The following PCNX3 variants were observed in gnomAD, a reference collection of about 807,000 sequenced individuals.
PCNX3 encodes the protein pecanex 3.
In PCNX3, 58 loss-of-function variants were observed where a neutral mutation model predicts 207.2. The observed-to-expected ratio is 0.28, with a 90% CI of 0.23 to 0.35. The LOEUF is 0.35. Among genes scored for constraint, PCNX3 ranks in the 10% least tolerant of loss-of-function variants. The pLI, the probability that PCNX3 is intolerant of heterozygous loss-of-function variation, is 1.00. For synonymous variants in PCNX3, 1,337 were observed against 1,183.5 expected (o/e 1.13, Z -2.66); for missense variants, 2,410 against 2,774.4 (o/e 0.87, Z 2.95).
Position 65,617,947 on chromosome 11 carries a change from C to T in PCNX3, c.585C>T (p.Asp195=). 1.3e-6 allele frequency: 2 copies of T among 1,575,080 alleles called. No homozygotes were observed. The highest frequency in any genetic ancestry group is 8.6e-7 in the Non-Finnish European group (1 of 1,163,004). Residue 195 remains aspartate (D), a synonymous_variant, in exon 6 of 35, where the codon GAC becomes GAT. Transcript: ENST00000355703. ...TTCCCTTTATTTTGGCAGTTGGAGA[C>T]CTTCCCCAGACGCCTCCAGGGGCTG... ...KLSSQEKLIG[D]LPQTPPGAVP... is the part of the protein sequence containing the mutation.
rs112944994 is a variant in PCNX3, at chr11:65,628,126, G to A, written c.3703-469G>A. Among the ~76,000 whole-genome samples the A allele has an allele frequency of 3.3e-3, 499 of 152,248 alleles. 3 individuals carry two copies. Among genetic ancestry groups the A allele is most frequent in the African/African-American group, 0.011 (459 of 41,542 alleles). On this transcript the variant is annotated intron_variant, in intron 22 of 34. Transcript: ENST00000355703. ...AGGCCTGAGCCTTTTTCTTCCTCACGTGGGCATTCTGTTCTTGTTTTCTGG... is the reference window on the plus strand; with the variant it reads ...AGGCCTGAGCCTTTTTCTTCCTCACATGGGCATTCTGTTCTTGTTTTCTGG...
At chr11:65,630,212 G>C (rs1044424562) in intron 26 of PCNX3, 139 bp from the exon 27 acceptor site, 5 of 1,263,114 alleles carry the variant, frequency 4.0e-6, no homozygotes, top group Non-Finnish European at 5.3e-6. Context: ...GTGAATCTTG[G>C]CATCCAATAA....
rs761954153 is a variant in PCNX3, at chr11:65,634,988, C to T, written c.4821C>T (p.Leu1607=). The T allele has an allele frequency of 3.7e-6, 6 of 1,613,582 alleles. No individual in the cohort carries two copies. The highest frequency in any genetic ancestry group is 1.7e-4 in the Middle Eastern group (1 of 6,060). ...TCCCACTTAGCCTGGAGCCCTTCCT[C>T]TACGGCCTGCACGCCCTGTTCAAGG... ...HSMSASLEPF[L]YGLHALFKGD... The change falls in exon 30 of 35, where the codon CTC becomes CTT. Residue 1607 remains leucine (L), a synonymous_variant. Coordinates refer to ENST00000355703, the MANE Select transcript of PCNX3 (RefSeq NM_032223.4).
At position 65,618,958 on chromosome 11, in the gene PCNX3, G is replaced by T; in HGVS notation, c.1596G>T (p.Glu532Asp). 6.2e-7 allele frequency: 1 copy of T among 1,604,464 alleles called. No homozygotes were observed. The highest frequency in any genetic ancestry group is 1.7e-5 in the Admixed American group (1 of 59,140). ...KAELEAQVGV[E>D]QAASEPVVLP... ...AGCTGGAGGCCCAGGTTGGGGTGGA[G>T]CAGGCTGCTAGTGAGCCTGTTGTGC... Residue 532 changes from glutamate (E) to aspartate (D), a missense_variant, in exon 6 of 35, where the codon GAG becomes GAT. This residue lies in a region of PCNX3 where 1,104 missense variants were observed against 970.3 expected (regional missense o/e 1.14). Coordinates refer to ENST00000355703, the MANE Select transcript of PCNX3 (RefSeq NM_032223.4).
chr11:65,617,885 A>G (rs1854832562), intron 5 of PCNX3, 55 bp from the exon 6 acceptor site: 5 of 1,497,592 alleles, frequency 3.3e-6, no homozygotes, highest in Admixed American at 2.3e-5. Context: ...CTTAACCACT[A>G]GTTTGTTTTG....
intron 20 of PCNX3, 97 bp downstream of exon 20, chr11:65,626,151 G>C: frequency 6.7e-7 from 1 of 1,486,604 alleles, no homozygotes; most frequent in South Asian, 1.2e-5. Flanking sequence ...AGTGCCAGCA[G>C]GGGGCACTCG....
rs776846592 is a variant in PCNX3 at position 65,636,434 on chromosome 11, G to T, written c.5637G>T (p.Pro1879=). 1.9e-6 allele frequency: 3 copies of T among 1,555,030 alleles called. No homozygotes were observed. The highest frequency in any genetic ancestry group is 2.6e-6 in the Non-Finnish European group (3 of 1,151,754). ...QPLPPGPGWG[P]RSSLSGSGDG... is the part of the protein sequence containing the mutation. ...TCCCACCAGGCCCTGGCTGGGGGCC[G>T]CGGTCCTCCCTGAGTGGCTCTGGTG... Residue 1879 remains proline, a synonymous_variant, in exon 34 of 35, where the codon CCG becomes CCT. Coordinates refer to ENST00000355703, the MANE Select transcript of PCNX3 (RefSeq NM_032223.4).
chr11:65,622,396 T>G (rs778670632), intron 11 of PCNX3, 30 bp downstream of exon 11: 42 of 1,578,902 alleles, frequency 2.7e-5, no homozygotes, highest in Non-Finnish European at 3.5e-5. Context: ...GGCCCCCAAT[T>G]CTTGGAAAGC....
Position 65,635,334 on chromosome 11 carries a change from C to T in PCNX3, c.5070C>T (p.Ala1690=), listed in dbSNP as rs1406474134. 6.2e-7 allele frequency: 1 copy of T among 1,607,676 alleles called. No individual in the cohort carries two copies. Among genetic ancestry groups the T allele is most frequent in the Non-Finnish European group, 8.5e-7 (1 of 1,177,714 alleles). ...SHEGDPAWRS[A]ILSNTPSLLA... is the part of the protein sequence containing the mutation. ...AGGGTGACCCAGCATGGCGCAGCGC[C>T]ATCCTCAGCAACACGCCCTCCCTGC... The change falls in exon 31 of 35, where the codon GCC becomes GCT. Residue 1690 remains alanine (A), a synonymous_variant. Transcript: ENST00000355703. The surrounding 1 kb of genome is among the most constrained non-coding windows in gnomAD (Gnocchi z 9.9).
Position 65,618,831 on chromosome 11 carries a change from G to A in PCNX3, c.1469G>A (p.Arg490Gln), listed in dbSNP as rs996157215. The A allele has an allele frequency of 4.3e-6, 7 of 1,611,236 alleles. No homozygotes were observed. The highest frequency in any genetic ancestry group is 2.7e-5 in the African/African-American group (2 of 74,910). ...CCCAAGCGGCCATATGGGACCCAGCGGACGCCTAGTACCGCCAGCGCTAAA... is the reference window on the plus strand; with the variant it reads ...CCCAAGCGGCCATATGGGACCCAGCAGACGCCTAGTACCGCCAGCGCTAAA... ...VPPKRPYGTQRTPSTASAKTH... is the reference protein window; with the variant it reads ...VPPKRPYGTQQTPSTASAKTH... Residue 490 changes from arginine to glutamine, a missense_variant, in exon 6 of 35, where the codon CGG (arginine) becomes CAG (glutamine). Transcript: ENST00000355703.
intron 21 of PCNX3, 66 bp from the exon 22 acceptor site, chr11:65,627,339 A>T: frequency 6.6e-7 from 1 of 1,519,264 alleles, no homozygotes; most frequent in Non-Finnish European, 8.9e-7. Context: ...TAGGCGAGGG[A>T]TGGGACACCT....
chr11:65,636,665 CA>C lies in PCNX3; in HGVS notation c.5871del (p.Gly1958GlufsTer10). The C allele has an allele frequency of 1.3e-6, 2 of 1,584,802 alleles. No homozygotes were observed. The highest frequency in any genetic ancestry group is 1.7e-6 in the Non-Finnish European group (2 of 1,167,760). On this transcript the variant is annotated frameshift_variant, in exon 34 of 35. Transcript: ENST00000355703. LOFTEE classifies it high-confidence loss of function. The stretch of plus-strand genomic sequence containing the variant: ...ACGGGGAGCCAGCCTCAGGGAGCCC[CA>C]AAGGAGGTACCCCCAAATCTCAGGT... ...SDGEPASGSPKGGTPKSQAPL... is the reference protein window; with the variant it reads ...SDGEPASGSPXGGTPKSQAPL...
chr11:65,624,682 C>T (rs1006163587), intron 15 of PCNX3, 101 bp downstream of exon 15: 10 of 1,133,290 alleles, frequency 8.8e-6, no homozygotes, highest in African/African-American at 4.7e-5. Flanking sequence ...CCTTCTCCTG[C>T]GTCTGTACTG....
rs57318451 is a variant in PCNX3 at position 65,619,541 on chromosome 11, C to T, written c.1710C>T (p.Ala570=). ...LQEEGAVGGA[A]EETGRRDRSS... is the part of the protein sequence containing the mutation. ...TGGGGGCCTCTCTCTGGGCAGCGGC[C>T]GAGGAGACTGGCAGGCGGGACCGCT... is the stretch of plus-strand genomic sequence containing the variant. Residue 570 remains alanine (A), a synonymous_variant, in exon 7 of 35, where the codon GCC becomes GCT. Coordinates refer to ENST00000355703, the MANE Select transcript of PCNX3 (RefSeq NM_032223.4). 0.024 allele frequency: 39,221 copies of T among 1,611,474 alleles called. 4,467 individuals are homozygous for T. In the Admixed American group the frequency reaches 0.29, roughly 12 times the overall value.
chr11:65,637,203 C>T lies in PCNX3; in HGVS notation c.*225C>T, dbSNP rs995461395. ...CCTGGGCTCCCCAGATGGAGGCAGT[C>T]AGCCTCCCAGCCAGGCCCTAAGAGC... On this transcript the variant is annotated 3_prime_UTR_variant, in exon 35 of 35. Transcript: ENST00000355703. 2 of 573,592 alleles carry T rather than the reference C, an allele frequency of 3.5e-6. No homozygotes were observed. Among genetic ancestry groups the T allele is most frequent in the Non-Finnish European group, 6.2e-6 (2 of 324,346 alleles). The allele number at this position is 573,592 out of a possible 1,614,324, so 35.5% of individuals were successfully genotyped here. A position where few individuals can be genotyped will look rare whatever the true frequency, so the allele number is the denominator to read the frequency against.
Position 65,619,044 on chromosome 11 carries a change from A to G in PCNX3, c.1682A>G (p.Gln561Arg). ...CAGCCCGGCTGGCGGGGGGAGCTGC[A>G]GGAGGAAGGTGCTGTGGGGGGAGGT... is the stretch of plus-strand genomic sequence containing the variant. ...ANQPGWRGEL[Q>R]EEGAVGGAAE... Residue 561 changes from glutamine to arginine, a missense_variant, in exon 6 of 35, where the codon CAG becomes CGG. Around this residue, in one of 8 missense-constraint regions of PCNX3, gnomAD observed 1,104 missense variants for 970.3 expected, o/e 1.14. Coordinates refer to ENST00000355703, the MANE Select transcript of PCNX3 (RefSeq NM_032223.4). 6.3e-7 allele frequency: 1 copy of G among 1,591,770 alleles called. No homozygotes were observed. Among genetic ancestry groups the G allele is most frequent in the Non-Finnish European group, 8.5e-7 (1 of 1,176,938 alleles).
chr11:65,617,196 T>C (rs1854784733), intron 2 of PCNX3, 54 bp from the exon 3 acceptor site: 1 of 1,492,886 alleles, frequency 6.7e-7, no homozygotes. Flanking sequence ...TGGGAGGAAG[T>C]AGCATACACA....
chr11:65,617,129 T>C, intron 2 of PCNX3, 118 bp downstream of exon 2: 1 of 1,379,580 alleles, frequency 7.2e-7, no homozygotes, highest in Admixed American at 2.1e-5. Flanking sequence ...TGAACACTTG[T>C]CCTGTGTTAG....
chr11:65,618,863 G>T lies in PCNX3; in HGVS notation c.1501G>T (p.Ala501Ser), dbSNP rs766997209. 5.0e-6 allele frequency: 8 copies of T among 1,610,876 alleles called. No individual in the cohort carries two copies. Among genetic ancestry groups the T allele is most frequent in the Non-Finnish European group, 6.8e-6 (8 of 1,179,170 alleles). ...TAGTACCGCCAGCGCTAAAACACAT[G>T]CCCGTGTGCTGAGCATGGATGGGGC... is the stretch of plus-strand genomic sequence containing the variant. The part of the protein sequence containing the change: ...TPSTASAKTH[A>S]RVLSMDGAGG... The change falls in exon 6 of 35, where the codon GCC becomes TCC. Residue 501 changes from alanine to serine, a missense_variant. Ala to Ser is a moderately conservative substitution (Grantham distance 99). Coordinates refer to ENST00000355703, the MANE Select transcript of PCNX3 (RefSeq NM_032223.4).
Sources: gnomAD v4.1 joint callset for allele counts (sites outside exome capture counted in the v4.1 genomes callset) on GRCh38, gnomAD v4.1.1 for gene constraint, gnomAD v4.1.1 regional missense constraint, Gnocchi (gnomAD v3.1) non-coding constraint, MANE v1.5 for transcripts, NCBI Gene and HGNC (gene_info 2026-07-23, HGNC 2026-07-21) for gene names.